MUC5B: variants seen among roughly 807,000 people sequenced by gnomAD.
MUC5B encodes mucin-5B.
MUC5B carries 116 observed loss-of-function variants against 376.9 expected under a neutral mutation model. That is an observed-to-expected ratio of 0.31 (90% CI 0.26 to 0.36). MUC5B has a LOEUF of 0.36. Ranked by LOEUF, MUC5B falls within the 10% of genes least tolerant of loss-of-function variation. The probability of loss-of-function intolerance (pLI) is 1.00; values close to 1 mark genes in which losing one functional copy is unlikely to be tolerated. For synonymous variants in MUC5B, 3,517 were observed against 3,390.9 expected (o/e 1.04, Z -1.29); for missense variants, 7,165 against 7,769.9 (o/e 0.92, Z 2.93).
rs542208632 is a variant in MUC5B, at chr11:1,245,651, G to C, written c.8771G>C (p.Gly2924Ala). Residue 2924 changes from glycine (G) to alanine (A), a missense_variant, in exon 31 of 49, where the codon GGT (glycine) becomes GCT (alanine). Gly to Ala is a moderately conservative substitution (Grantham distance 60, BLOSUM62 0). This residue lies in a region of MUC5B where 57 missense variants were observed against 167.2 expected (regional missense o/e 0.34). Coordinates refer to ENST00000529681, the MANE Select transcript of MUC5B (RefSeq NM_002458.3). ...GAGTGCCGTGCCCAGGCCCAGCCTGGTGTCCCCCTGCGGGAGTTGGGCCAG... is the reference window on the plus strand; with the variant it reads ...GAGTGCCGTGCCCAGGCCCAGCCTGCTGTCCCCCTGCGGGAGTTGGGCCAG... ...GLECRAQAQPGVPLRELGQVV... is the reference protein window; with the variant it reads ...GLECRAQAQPAVPLRELGQVV... 6.2e-6 allele frequency: 10 copies of C among 1,601,488 alleles called. No individual in the cohort carries two copies. In the South Asian group the frequency reaches 9.9e-5, roughly 16 times the overall value.
Position 1,232,769 on chromosome 11 carries a change from C to A in MUC5B, c.2064C>A (p.Cys688Ter). 6.3e-7 allele frequency: 1 copy of A among 1,590,032 alleles called. No homozygotes were observed. The highest frequency in any genetic ancestry group is 8.6e-7 in the Non-Finnish European group (1 of 1,166,026). The change falls in exon 17 of 49, where the codon TGC (cysteine) becomes TGA (stop). Residue 688 changes from cysteine (C) to a stop codon, truncating the protein, a stop_gained and splice_region_variant. Coordinates refer to ENST00000529681, the MANE Select transcript of MUC5B (RefSeq NM_002458.3). LOFTEE classifies it high-confidence loss of function. ...TCAGCGACTGGAGGGACGGCGTCTG[C>A]AGTGAGTGCCCACGCTGGGGGTGGG... ...VQLSDWRDGVCTKYMQNCPKS... is the reference protein window; with the variant it reads ...VQLSDWRDGV
chr11:1,228,730 G>C lies in MUC5B; in HGVS notation c.941G>C (p.Gly314Ala), dbSNP rs1320780857. Residue 314 changes from glycine to alanine, a missense_variant, in exon 8 of 49, where the codon GGC (glycine) becomes GCC (alanine). Around this residue, in one of 31 missense-constraint regions of MUC5B, gnomAD observed 640 missense variants for 733.0 expected, o/e 0.87. Transcript: ENST00000529681. The part of the protein sequence containing the change: ...EYSRQCAHAG[G>A]QPRNWRCPEL... ...TCACGCCAGTGCGCCCACGCGGGGG[G>C]CCAGCCGCGGAACTGGAGGTGCCCT... The C allele has an allele frequency of 2.0e-6, 3 of 1,522,668 alleles. No individual in the cohort carries two copies. In the Admixed American group the frequency reaches 5.9e-5, roughly 30 times the overall value. The allele number at this position is 1,522,668 out of a possible 1,614,324, so 94.3% of individuals were successfully genotyped here. A position where few individuals can be genotyped will look rare whatever the true frequency, so the allele number is the denominator to read the frequency against.
intron 8 of MUC5B, 67 bp downstream of exon 8, chr11:1,228,832 G>A: frequency 1.1e-6 from 1 of 935,336 alleles, no homozygotes; most frequent in Non-Finnish European, 1.5e-6. Context: ...GCGCCTTGGG[G>A]GCCACTGGGG....
Position 1,257,731 on chromosome 11 carries a change from G to C in MUC5B, c.16450+21G>C. 1 of 1,528,826 alleles carries C rather than the reference G, an allele frequency of 6.5e-7. No homozygotes were observed. The highest frequency in any genetic ancestry group is 2.4e-5 in the East Asian group (1 of 40,936). The allele number at this position is 1,528,826 out of a possible 1,614,324, so 94.7% of individuals were successfully genotyped here. A position where few individuals can be genotyped will look rare whatever the true frequency, so the allele number is the denominator to read the frequency against. On this transcript the variant is annotated intron_variant, in intron 41 of 48. Coordinates refer to ENST00000529681, the MANE Select transcript of MUC5B (RefSeq NM_002458.3). This position sits in a 1 kb window ranked among gnomAD's most constrained non-coding sequence, Gnocchi z 8.9. ...GTGCGGTAAGACGCTGCAGAGCAGA[G>C]GTGCCCGGCATAGGGTGAGGGGGGA...
rs747370371 is a variant in MUC5B, at chr11:1,258,388, G to A, written c.16593+21G>A. The stretch of plus-strand genomic sequence containing the variant: ...ACGGGGTAAGGGCACAGCAGTGGGT[G>A]GGTGTGGCCCTGGGGCCTGAACATG... On this transcript the variant is annotated intron_variant, in intron 43 of 48. Transcript: ENST00000529681. The surrounding 1 kb of genome is among the most constrained non-coding windows in gnomAD (Gnocchi z 5.5). The A allele has an allele frequency of 1.2e-6, 2 of 1,611,294 alleles. No individual in the cohort carries two copies. Among genetic ancestry groups the A allele is most frequent in the Non-Finnish European group, 1.7e-6 (2 of 1,179,162 alleles).
At chr11:1,254,416 G>A (rs1862780123) in intron 34 of MUC5B, 65 bp downstream of exon 34, 1 of 1,570,768 alleles carries the variant, frequency 6.4e-7, no homozygotes, top group East Asian at 2.3e-5. Context: ...CAGGCCGACT[G>A]CAGGCCGGGG....
rs769939985 is a variant in MUC5B at position 1,239,922 on chromosome 11, C to T, written c.3707C>T (p.Thr1236Ile). The change falls in exon 28 of 49, where the codon ACA becomes ATA. Residue 1236 changes from threonine (T) to isoleucine (I), a missense_variant. Around this residue, in one of 31 missense-constraint regions of MUC5B, gnomAD observed 517 missense variants for 545.3 expected, o/e 0.95. Coordinates refer to ENST00000529681, the MANE Select transcript of MUC5B (RefSeq NM_002458.3). Reference protein sequence around the residue: ...NYYDVGARVPTAENCQSCNCT... With the variant: ...NYYDVGARVPIAENCQSCNCT... ...TATGACGTCGGTGCAAGGGTCCCCACAGCGGAGAACTGCCAGAGCTGGTGA... is the reference window on the plus strand; with the variant it reads ...TATGACGTCGGTGCAAGGGTCCCCATAGCGGAGAACTGCCAGAGCTGGTGA... 6 of 1,613,294 alleles carry T rather than the reference C, an allele frequency of 3.7e-6. No homozygotes were observed. The highest frequency in any genetic ancestry group is 1.1e-5 in the South Asian group (1 of 90,994).
intron 5 of MUC5B, 32 bp downstream of exon 5, chr11:1,227,177 A>C: frequency 6.3e-7 from 1 of 1,596,544 alleles, no homozygotes; most frequent in African/African-American, 1.3e-5. Flanking sequence ...TTGCCCCTTC[A>C]GGCCTGGCCA....
chr11:1,231,889 A>G (rs371313594), intron 14 of MUC5B, 107 bp from the exon 15 acceptor site: 2 of 1,446,922 alleles, frequency 1.4e-6, no homozygotes, highest in Admixed American at 2.1e-5. Flanking sequence ...ATCCTGGGAC[A>G]GGGCTCCCAG....
In MUC5B at chr11:1,252,980, TGTGA is replaced by T. The variant is rs1350919156; in HGVS notation, c.15217+4_15217+7del. 6.2e-7 allele frequency: 1 copy of T among 1,611,880 alleles called. No homozygotes were observed. The highest frequency in any genetic ancestry group is 8.5e-7 in the Non-Finnish European group (1 of 1,179,722). On this transcript the variant is annotated splice_donor_variant and splice_donor_region_variant and intron_variant, in intron 33 of 48. Coordinates refer to ENST00000529681, the MANE Select transcript of MUC5B (RefSeq NM_002458.3). LOFTEE classifies it high-confidence loss of function. Reference sequence around the variant, plus strand: ...CTGTGACTTCCACTATGAGTGCGAGTGTGAGTGCGTCGGTGGCCGCGGGATTACC... The same window carrying T: ...CTGTGACTTCCACTATGAGTGCGAGTGTGCGTCGGTGGCCGCGGGATTACC...
In MUC5B at chr11:1,232,641, C is replaced by T; in HGVS notation, c.1939-3C>T. ...GACGCCCCGATGCCTCCCACCTCCG[C>T]AGAACTGCATGTTTGACACCTGCAA... is the stretch of plus-strand genomic sequence containing the variant. On this transcript the variant is annotated splice_polypyrimidine_tract_variant and splice_region_variant and intron_variant, in intron 16 of 48. Transcript: ENST00000529681. 1.9e-6 allele frequency: 3 copies of T among 1,601,720 alleles called. No individual in the cohort carries two copies. Among genetic ancestry groups the T allele is most frequent in the Non-Finnish European group, 2.6e-6 (3 of 1,175,022 alleles).
chr11:1,250,899 C>G lies in MUC5B; in HGVS notation c.14019C>G (p.Thr4673=). 1 of 1,587,858 alleles carries G rather than the reference C, an allele frequency of 6.3e-7. No homozygotes were observed. The highest frequency in any genetic ancestry group is 8.6e-7 in the Non-Finnish European group (1 of 1,167,276). Residue 4673 remains threonine (T), a synonymous_variant, in exon 31 of 49, where the codon ACC becomes ACG. Transcript: ENST00000529681. ...SMATPSSSTQ[T]SGTPPSLTTT... ...CAACACCCTCCTCTAGCACACAGACCAGTGGTACTCCCCCATCACTGACCA... is the reference window on the plus strand; with the variant it reads ...CAACACCCTCCTCTAGCACACAGACGAGTGGTACTCCCCCATCACTGACCA...
intron 6 of MUC5B, 92 bp from the exon 7 acceptor site, chr11:1,227,583 G>A: frequency 1.5e-6 from 1 of 677,648 alleles, no homozygotes; most frequent in African/African-American, 1.8e-5. Flanking sequence ...GCAGGAGTGG[G>A]AGTCCTCTGG....
rs773325923 is a variant in MUC5B, at chr11:1,244,254, C to G, written c.7374C>G (p.Thr2458=). ...GATCCACGGCCACCCCGTCCTCCACCCCAGGGACCACCTGGATCCTCACAG... is the reference window on the plus strand; with the variant it reads ...GATCCACGGCCACCCCGTCCTCCACGCCAGGGACCACCTGGATCCTCACAG... ...STGSTATPSS[T]PGTTWILTEP... Residue 2458 remains threonine, a synonymous_variant, in exon 31 of 49, where the codon ACC becomes ACG. Coordinates refer to ENST00000529681, the MANE Select transcript of MUC5B (RefSeq NM_002458.3). The G allele has an allele frequency of 3.7e-6, 6 of 1,610,952 alleles. No homozygotes were observed. Among genetic ancestry groups the G allele is most frequent in the Non-Finnish European group, 5.1e-6 (6 of 1,178,648 alleles).
At position 1,251,726 on chromosome 11, in the gene MUC5B, G is replaced by A; in HGVS notation, c.14846G>A (p.Gly4949Glu). 1 of 1,604,778 alleles carries A rather than the reference G, an allele frequency of 6.2e-7. No homozygotes were observed. Among genetic ancestry groups the A allele is most frequent in the East Asian group, 2.2e-5 (1 of 44,742 alleles). The change falls in exon 31 of 49, where the codon GGA (glycine) becomes GAA (glutamate). Residue 4949 changes from glycine to glutamate, a missense_variant. Physicochemically the swap from Gly to Glu is moderately conservative, Grantham distance 98 (BLOSUM62 -2). This residue lies in a region of MUC5B where 730 missense variants were observed against 592.7 expected (regional missense o/e 1.23). Transcript: ENST00000529681. ...FSTPCFCRAF[G>E]QFFSPGEVIY... ...ACTCCCTGCTTCTGCAGGGCATTTG[G>A]ACAGTTTTTCTCGCCCGGTGAGTGC...
At position 1,250,746 on chromosome 11, in the gene MUC5B, C is replaced by G. The variant is rs777922279; in HGVS notation, c.13866C>G (p.Thr4622=). The G allele has an allele frequency of 1.2e-6, 2 of 1,600,808 alleles. No homozygotes were observed. The highest frequency in any genetic ancestry group is 3.3e-5 in the Admixed American group (2 of 59,742). The change falls in exon 31 of 49, where the codon ACC becomes ACG. Residue 4622 remains threonine (T), a synonymous_variant. Coordinates refer to ENST00000529681, the MANE Select transcript of MUC5B (RefSeq NM_002458.3). ...ALTPPVWIST[T]TTPTTTTPTT... is the part of the protein sequence containing the mutation. ...CGCCTCCAGTGTGGATCAGCACAAC[C>G]ACCACACCCACAACCACCACACCCA...
rs1862289400 is a variant in MUC5B, at chr11:1,241,737, C to T, written c.4857C>T (p.Ala1619=). ...CACCGACCACAGAGCTGGAGACGGC[C>T]ACCACCACCACCACCCAGGCCCTGT... ...TPPPTTELET[A]TTTTTQALFS... Residue 1619 remains alanine (A), a synonymous_variant, in exon 31 of 49, where the codon GCC becomes GCT. Coordinates refer to ENST00000529681, the MANE Select transcript of MUC5B (RefSeq NM_002458.3). The T allele has an allele frequency of 6.2e-7, 1 of 1,605,268 alleles. No individual in the cohort carries two copies. Among genetic ancestry groups the T allele is most frequent in the Non-Finnish European group, 8.5e-7 (1 of 1,176,460 alleles).
intron 30 of MUC5B, 47 bp from the exon 31 acceptor site, chr11:1,240,804 G>T: frequency 6.5e-7 from 1 of 1,532,570 alleles, no homozygotes; most frequent in Non-Finnish European, 8.8e-7. Flanking sequence ...TGTGAGGCCA[G>T]GACTGGAGGA....
chr11:1,257,873 A>T lies in MUC5B; in HGVS notation c.16450+163A>T, dbSNP rs1478627775. On this transcript the variant is annotated intron_variant, in intron 41 of 48. Transcript: ENST00000529681. The surrounding 1 kb of genome is among the most constrained non-coding windows in gnomAD (Gnocchi z 8.9). The stretch of plus-strand genomic sequence containing the variant: ...GGCAGAGATGGCCTCCAGGTGCTTC[A>T]TTCTCCTCCTAACGATGAGGCTGGT... Among the ~76,000 whole-genome samples, 2 of 152,106 alleles carry T rather than the reference A, an allele frequency of 1.3e-5. No homozygotes were observed. The highest frequency in any genetic ancestry group is 2.9e-5 in the Non-Finnish European group (2 of 68,002).
Sources: gnomAD v4.1 joint callset for allele counts (sites outside exome capture counted in the v4.1 genomes callset) on GRCh38, gnomAD v4.1.1 for gene constraint, gnomAD v4.1.1 regional missense constraint, Gnocchi (gnomAD v3.1) non-coding constraint, MANE v1.5 for transcripts, NCBI Gene and HGNC (gene_info 2026-07-23, HGNC 2026-07-21) for gene names.